The following BABAM2 variants were observed in gnomAD, a reference collection of about 807,000 sequenced individuals.
The protein encoded by BABAM2 is BRISC and BRCA1-A complex member 2.
Under a neutral mutation model 54.7 loss-of-function variants are expected in BABAM2, and 31 were observed. The observed-to-expected ratio is 0.57, with a 90% confidence interval of 0.43 to 0.77. The LOEUF (loss-of-function observed/expected upper bound fraction) is 0.77, where lower values mean the gene tolerates loss of function less well. Among genes scored for constraint, BABAM2 ranks in the 30% least tolerant of loss-of-function variants. BABAM2 has a pLI of 0.00. For synonymous variants in BABAM2, 167 were observed against 162.9 expected (o/e 1.03, Z -0.19); for missense variants, 364 against 455.8 (o/e 0.80, Z 1.83).
chr2:28,020,224 C>T (rs948453048), intron 4 of BABAM2, among the ~76,000 whole-genome samples: 3 of 151,986 alleles, frequency 2.0e-5, no homozygotes, highest in African/African-American at 2.4e-5. Flanking sequence ...TGGAGTCTGA[C>T]GTCATAAAAT....
At chr2:28,084,990 C>T (rs990536379) in intron 6 of BABAM2, among the ~76,000 whole-genome samples, 1 of 151,988 alleles carries the variant, frequency 6.6e-6, no homozygotes, top group South Asian at 2.1e-4. Context: ...TTTAAAAAAA[C>T]GGAAAGAAGA....
chr2:27,918,354 C>G (rs1667125801), intron 2 of BABAM2, among the ~76,000 whole-genome samples: 1 of 152,042 alleles, frequency 6.6e-6, no homozygotes, highest in East Asian at 1.9e-4. Context: ...TTTTGACCAG[C>G]TTATTTCACT....
intron 7 of BABAM2, among the ~76,000 whole-genome samples, chr2:28,174,837 GC>G (rs1337176702): frequency 6.6e-6 from 1 of 152,106 alleles, no homozygotes. Flanking sequence ...GGGCCTGACA[GC>G]ACCTGCGTCT....
intron 2 of BABAM2, among the ~76,000 whole-genome samples, chr2:27,915,984 A>G (rs1299966003): frequency 2.6e-5 from 4 of 152,174 alleles, no homozygotes; most frequent in African/African-American, 9.7e-5. Context: ...TAGATAGGTT[A>G]AGCATGTACT....
intron 4 of BABAM2, among the ~76,000 whole-genome samples, chr2:28,016,964 A>G (rs1674874025): frequency 6.6e-6 from 1 of 152,218 alleles, no homozygotes; most frequent in Non-Finnish European, 1.5e-5. Flanking sequence ...GACTATAAAT[A>G]TTTGAAGGGT....
chr2:28,062,257 C>CAAA (rs796458704), intron 6 of BABAM2, among the ~76,000 whole-genome samples: 4 of 68,424 alleles, frequency 5.8e-5, no homozygotes, highest in Non-Finnish European at 5.9e-5. Flanking sequence ...GAGTCCGTCT[C>CAAA]AAAAAAAAAA....
At chr2:28,125,360 C>G (rs988947616) in intron 6 of BABAM2, among the ~76,000 whole-genome samples, 5 of 152,068 alleles carry the variant, frequency 3.3e-5, no homozygotes, top group African/African-American at 2.4e-5. Flanking sequence ...GTGGCACCAT[C>G]TCGGCTCACT....
intron 7 of BABAM2, among the ~76,000 whole-genome samples, chr2:28,156,224 A>C (rs1672530631): frequency 6.6e-6 from 1 of 152,182 alleles, no homozygotes; most frequent in South Asian, 2.1e-4. Flanking sequence ...GATTTGTCGC[A>C]AATGTCACCT....
Position 28,279,158 on chromosome 2 carries a change from G to T in BABAM2, c.935-19180G>T, listed in dbSNP as rs146405642. Among the ~76,000 whole-genome samples the T allele has an allele frequency of 3.3e-5, 5 of 152,300 alleles. No homozygotes were observed. In the East Asian group the frequency reaches 9.7e-4, roughly 29 times the overall value. On this transcript the variant is annotated intron_variant, in intron 10 of 11. Coordinates refer to ENST00000379624, the MANE Select transcript of BABAM2 (RefSeq NM_199191.3). ...CTTGGTATGGAGTTCGGCTTCCTCTGAGCAAAGAGGTTCTGCTGCCTGAGT... is the reference window on the plus strand; with the variant it reads ...CTTGGTATGGAGTTCGGCTTCCTCTTAGCAAAGAGGTTCTGCTGCCTGAGT...
intron 2 of BABAM2, among the ~76,000 whole-genome samples, chr2:27,924,447 T>A (rs571567405): frequency 6.6e-6 from 1 of 152,148 alleles, no homozygotes; most frequent in South Asian, 2.1e-4. Flanking sequence ...TGCAGAGGCA[T>A]GATCTCAGCT....
At chr2:28,021,107 T>C (rs1227097465) in intron 4 of BABAM2, among the ~76,000 whole-genome samples, 1 of 152,242 alleles carries the variant, frequency 6.6e-6, no homozygotes, top group Non-Finnish European at 1.5e-5. Flanking sequence ...ATAAACATTG[T>C]TTCTCATAAT....
intron 10 of BABAM2, among the ~76,000 whole-genome samples, chr2:28,249,084 CT>C (rs1408476434): frequency 6.9e-6 from 1 of 145,936 alleles, no homozygotes; most frequent in South Asian, 2.2e-4. Context: ...TGTTTGTTTG[CT>C]TGTTTTTTTT....
At chr2:27,911,465 A>G (rs1306660516) in intron 2 of BABAM2, among the ~76,000 whole-genome samples, 1 of 152,150 alleles carries the variant, frequency 6.6e-6, no homozygotes, top group Non-Finnish European at 1.5e-5. Flanking sequence ...AGGAAGACAG[A>G]GAAAGGACAA....
At chr2:28,022,377 C>T (rs139806801) in intron 4 of BABAM2, among the ~76,000 whole-genome samples, 129 of 152,230 alleles carry the variant, frequency 8.5e-4, no homozygotes, top group South Asian at 2.7e-3. Context: ...ATTGTTTACA[C>T]GTGAATGTGA....
At chr2:28,232,627 CTGAATACT>C (rs2148045431) in intron 7 of BABAM2, among the ~76,000 whole-genome samples, 2 of 152,300 alleles carry the variant, frequency 1.3e-5, no homozygotes, top group South Asian at 4.1e-4. Context: ...TGTTACTATA[CTGAATACT>C]ACAGGCAATT....
At chr2:28,120,354 T>C (rs1668964482) in intron 6 of BABAM2, among the ~76,000 whole-genome samples, 1 of 152,196 alleles carries the variant, frequency 6.6e-6, no homozygotes. Flanking sequence ...CAGTAAATCT[T>C]TCCTGCATGT....
chr2:27,906,407 T>G (rs1256093465), intron 2 of BABAM2, among the ~76,000 whole-genome samples: 1 of 152,230 alleles, frequency 6.6e-6, no homozygotes, highest in African/African-American at 2.4e-5. Context: ...AATAGTATAA[T>G]ACAGTAATAT....
At chr2:28,084,728 C>T (rs6733954) in intron 6 of BABAM2, among the ~76,000 whole-genome samples, 73 of 151,558 alleles carry the variant, frequency 4.8e-4, no homozygotes, top group African/African-American at 1.1e-3. Context: ...AGACTCTGAC[C>T]GTTCTACACA....
intron 11 of BABAM2, among the ~76,000 whole-genome samples, chr2:28,327,083 G>A (rs887643505): frequency 6.6e-6 from 1 of 152,218 alleles, no homozygotes; most frequent in African/African-American, 2.4e-5. Context: ...TGCCCTCAGG[G>A]AGCTTCTTCC....
Sources: gnomAD v4.1 joint callset for allele counts (sites outside exome capture counted in the v4.1 genomes callset) on GRCh38, gnomAD v4.1.1 for gene constraint, MANE v1.5 for transcripts, NCBI Gene and HGNC (gene_info 2026-07-23, HGNC 2026-07-21) for gene names.